Variants in CKAP5 observed in about 807,000 individuals in gnomAD.
CKAP5 encodes the protein cytoskeleton-associated protein 5.
Under a neutral mutation model 232.8 loss-of-function variants are expected in CKAP5, and 27 were observed. The observed-to-expected ratio is 0.12, with a 90% CI of 0.09 to 0.16. The LOEUF is 0.16. CKAP5 is among the 10% of genes least tolerant of loss of function. CKAP5 has a pLI of 1.00. For missense variants in CKAP5, 1,838 were observed against 2,424.7 expected (o/e 0.76, Z 5.08); for synonymous variants, 785 against 841.1 (o/e 0.93, Z 1.16).
In CKAP5 at chr11:46,808,153, T is replaced by C. The variant is rs778775276; in HGVS notation, c.865-9A>G. ...TGCCATTTTTTTGCCTCCTGCAAGA[T>C]ACAATATGAGTCATTTGTAACAGGA... On this transcript the variant is annotated splice_polypyrimidine_tract_variant and intron_variant, in intron 7 of 43. Transcript: ENST00000529230. 14 of 1,528,748 alleles carry C rather than the reference T, an allele frequency of 9.2e-6. No homozygotes were observed. The African/African-American group carries it at 9.6e-5, about 10-fold the overall frequency. The allele number at this position is 1,528,748 out of a possible 1,614,324, so 94.7% of individuals were successfully genotyped here. A position where few individuals can be genotyped will look rare whatever the true frequency, so the allele number is the denominator to read the frequency against.
intron 3 of CKAP5, among the ~76,000 whole-genome samples, chr11:46,817,299 T>G (rs563099389): frequency 7.9e-5 from 12 of 152,034 alleles, no homozygotes; most frequent in Admixed American, 5.2e-4. Flanking sequence ...TTTTAAGTCG[T>G]TTTAAACACT....
At chr11:46,762,795 G>A in intron 30 of CKAP5, 33 bp from the exon 31 acceptor site, 1 of 1,606,370 alleles carries the variant, frequency 6.2e-7, no homozygotes, top group Non-Finnish European at 8.5e-7. Context: ...ATTAAGTGAG[G>A]CATTTCCTAA....
chr11:46,839,668 TCTC>T (rs1409727726), intron 1 of CKAP5, among the ~76,000 whole-genome samples: 1 of 152,152 alleles, frequency 6.6e-6, no homozygotes, highest in African/African-American at 2.4e-5. Flanking sequence ...GCTCCTGAAT[TCTC>T]CTACAGATCC....
intron 3 of CKAP5, among the ~76,000 whole-genome samples, chr11:46,817,044 T>C (rs1455252549): frequency 6.6e-6 from 1 of 150,964 alleles, no homozygotes; most frequent in Non-Finnish European, 1.5e-5. Flanking sequence ...AGGTGGAGGT[T>C]GTGGTGAGCC....
In CKAP5 at chr11:46,751,553, AAG is replaced by A; in HGVS notation, c.5134-21_5134-20del. The A allele has an allele frequency of 6.3e-7, 1 of 1,585,874 alleles. No homozygotes were observed. Among genetic ancestry groups the A allele is most frequent in the Non-Finnish European group, 8.6e-7 (1 of 1,164,432 alleles). On this transcript the variant is annotated intron_variant, in intron 38 of 43. Coordinates refer to ENST00000529230, the MANE Select transcript of CKAP5 (RefSeq NM_001008938.4). ...AGAGACACTATTGAAAAAAGAATAA[AAG>A]AGTTAGGAGTGACTGAAGAATGAGG... is the stretch of plus-strand genomic sequence containing the variant.
At chr11:46,749,942 AAAG>A (rs1265062147) in intron 42 of CKAP5, among the ~76,000 whole-genome samples, 1 of 152,016 alleles carries the variant, frequency 6.6e-6, no homozygotes, top group Non-Finnish European at 1.5e-5. Context: ...AAAAAAAAAA[AAAG>A]AGGTCAGAGC....
rs771702792 is a variant in CKAP5 at position 46,795,675 on chromosome 11, A to G, written c.1569T>C (p.Ala523=). The G allele has an allele frequency of 3.7e-6, 6 of 1,614,130 alleles. No homozygotes were observed. The highest frequency in any genetic ancestry group is 5.1e-6 in the Non-Finnish European group (6 of 1,180,004). Residue 523 remains alanine, a synonymous_variant, in exon 13 of 44, where the codon GCT becomes GCC. Coordinates refer to ENST00000529230, the MANE Select transcript of CKAP5 (RefSeq NM_001008938.4). ...EFKPLPGRTA[A]SGAAGDKDTK... ...TGTCCTTATCTCCTGCAGCCCCTGA[A>G]GCAGCAGTCCTTCCAGGCAGAGGTT...
chr11:46,785,646 A>G (rs1179788535), intron 16 of CKAP5, among the ~76,000 whole-genome samples: 1 of 152,116 alleles, frequency 6.6e-6, no homozygotes, highest in Non-Finnish European at 1.5e-5. Context: ...AGCCACACAA[A>G]CATCCTCTTT....
In CKAP5 at chr11:46,743,573, C is replaced by G. The variant is rs2065000260; in HGVS notation, c.*450G>C. The G allele has an allele frequency of 6.1e-6, 1 of 164,382 alleles. No individual in the cohort carries two copies. The highest frequency in any genetic ancestry group is 1.5e-4 in the South Asian group (1 of 6,504). 10.2% of individuals were successfully genotyped at this position (164,382 alleles called of 1,614,324 possible). On this transcript the variant is annotated 3_prime_UTR_variant, in exon 44 of 44. Coordinates refer to ENST00000529230, the MANE Select transcript of CKAP5 (RefSeq NM_001008938.4). Reference sequence around the variant, plus strand: ...ATGCAAACTTTATTTATAAAAGACTCTTAAATTAGTTGTATCATGCCATGC... The same window carrying G: ...ATGCAAACTTTATTTATAAAAGACTGTTAAATTAGTTGTATCATGCCATGC...
chr11:46,813,519 C>T (rs1005667519), intron 4 of CKAP5, among the ~76,000 whole-genome samples: 1 of 152,030 alleles, frequency 6.6e-6, no homozygotes, highest in African/African-American at 2.4e-5. Context: ...GTACTAGAAA[C>T]CTGTTTTAGG....
rs769765445 is a variant in CKAP5, at chr11:46,760,702, A to G, written c.4304T>C (p.Val1435Ala). ...CTGTGCACGCTGAGGTTTCTCTTCC[A>G]CCTGTTTTATTGGTGCAGCAGAGGG... ...KRPSAAPIKQ[V>A]EEKPQRAQNI... The change falls in exon 33 of 44, where the codon GTG (valine) becomes GCG (alanine). Residue 1435 changes from valine to alanine, a missense_variant. Val to Ala is a moderately conservative substitution (Grantham distance 64). Transcript: ENST00000529230. The G allele has an allele frequency of 1.2e-6, 2 of 1,614,150 alleles. No homozygotes were observed. The highest frequency in any genetic ancestry group is 1.7e-6 in the Non-Finnish European group (2 of 1,180,020).
At chr11:46,833,257 A>G (rs1013196587) in intron 1 of CKAP5, among the ~76,000 whole-genome samples, 3 of 152,076 alleles carry the variant, frequency 2.0e-5, no homozygotes, top group African/African-American at 7.2e-5. Context: ...GACAACAGAG[A>G]ATGTTTCAGG....
At chr11:46,829,838 ATGTGTGTG>A (rs57602333) in intron 1 of CKAP5, among the ~76,000 whole-genome samples, 14,756 of 142,986 alleles carry the variant, frequency 0.1, 698 homozygotes, top group East Asian at 0.13. Flanking sequence ...CCTTTTTTGT[ATGTGTGTG>A]TGTGTGTGTG....
At chr11:46,783,221 T>G in intron 18 of CKAP5, 53 bp downstream of exon 18, 1 of 1,041,972 alleles carries the variant, frequency 9.6e-7, no homozygotes, top group Non-Finnish European at 1.5e-6. Context: ...CAGCACGACT[T>G]AGAGACTGAC....
intron 16 of CKAP5, among the ~76,000 whole-genome samples, chr11:46,785,276 C>A (rs189637231): frequency 1.3e-5 from 2 of 152,186 alleles, no homozygotes; most frequent in Admixed American, 1.3e-4. Flanking sequence ...TTTTTTGTTA[C>A]GCCACTAGAA....
At chr11:46,801,679 AAAG>A (rs1037882086) in intron 8 of CKAP5, among the ~76,000 whole-genome samples, 2 of 152,162 alleles carry the variant, frequency 1.3e-5, no homozygotes, top group African/African-American at 4.8e-5. Flanking sequence ...CAAAAAAAAA[AAAG>A]AACTCTGAAA....
chr11:46,823,069 T>C (rs776766577), intron 1 of CKAP5, among the ~76,000 whole-genome samples: 1 of 151,998 alleles, frequency 6.6e-6, no homozygotes, highest in Non-Finnish European at 1.5e-5. Context: ...CAAGCGATCC[T>C]TCCACCTCTG....
At chr11:46,844,378 G>A (rs1478408943) in intron 1 of CKAP5, among the ~76,000 whole-genome samples, 1 of 152,114 alleles carries the variant, frequency 6.6e-6, no homozygotes, top group Non-Finnish European at 1.5e-5. Flanking sequence ...TCATCTGTAT[G>A]CTTTGTAGCA....
At chr11:46,773,400 C>T (rs2065266028) in intron 24 of CKAP5, among the ~76,000 whole-genome samples, 1 of 152,054 alleles carries the variant, frequency 6.6e-6, no homozygotes, top group African/African-American at 2.4e-5. Flanking sequence ...AGGTGCCCAC[C>T]ACCATGCCCA....
Sources: gnomAD v4.1 joint callset for allele counts (sites outside exome capture counted in the v4.1 genomes callset) on GRCh38, gnomAD v4.1.1 for gene constraint, MANE v1.5 for transcripts, NCBI Gene and HGNC (gene_info 2026-07-23, HGNC 2026-07-21) for gene names.